RTL4: variants seen among roughly 807,000 people sequenced by gnomAD.
The protein encoded by RTL4 is retrotransposon Gag like 4.
A neutral mutation model predicts 5.3 loss-of-function variants in RTL4; 4 were observed. The observed-to-expected ratio is 0.75, with a 90% CI of 0.37 to 1.72. RTL4 has a LOEUF of 1.72. Among genes scored for constraint, RTL4 ranks in the 40% most tolerant of loss-of-function variants. The pLI, the probability that RTL4 is intolerant of heterozygous loss-of-function variation, is 0.04. For missense variants in RTL4, 260 were observed against 227.1 expected, an observed-to-expected ratio of 1.14 and a Z score of -0.93; for synonymous variants, 98 against 87.3, an observed-to-expected ratio of 1.12 and a Z score of -0.68.
upstream of RTL4, among the ~76,000 whole-genome samples, chrX:112,449,537 C>T (rs1248584327): frequency 8.9e-6 from 1 of 111,896 alleles, no homozygotes; most frequent in Non-Finnish European, 1.9e-5. Context: ...GCATCATCTG[C>T]AGAGATTGAT....
At chrX:112,322,558 G>A in the RTL4 span, among the ~76,000 whole-genome samples, 3 of 110,967 alleles carry the variant, frequency 2.7e-5, no homozygotes, top group Admixed American at 9.7e-5. Context: ...GTCATGTGTA[G>A]AGATATATAT....
chrX:112,248,141 T>A, the RTL4 span, among the ~76,000 whole-genome samples: 2 of 112,578 alleles, frequency 1.8e-5, no homozygotes, highest in Non-Finnish European at 3.7e-5. Flanking sequence ...AGACATTGCT[T>A]GTTTACTACA....
At chrX:112,236,869 A>T in the RTL4 span, among the ~76,000 whole-genome samples, 1 of 111,483 alleles carries the variant, frequency 9.0e-6, no homozygotes, top group Non-Finnish European at 1.9e-5. Flanking sequence ...AGATGAGGAC[A>T]TTATCCTGGA....
upstream of RTL4, among the ~76,000 whole-genome samples, chrX:112,451,432 G>A (rs1448523046): frequency 1.8e-5 from 2 of 111,144 alleles, no homozygotes; most frequent in African/African-American, 3.3e-5. Flanking sequence ...CTGAAAGATC[G>A]AGGCTGCAAT....
At chrX:112,321,768 C>T in the RTL4 span, among the ~76,000 whole-genome samples, 5 of 111,077 alleles carry the variant, frequency 4.5e-5, no homozygotes, top group East Asian at 5.7e-4. Flanking sequence ...CAAACAACTA[C>T]GTAATAGTAG....
the RTL4 span, among the ~76,000 whole-genome samples, chrX:112,359,735 C>T: frequency 5.7e-4 from 63 of 110,892 alleles, no homozygotes; most frequent in Non-Finnish European, 1.0e-3. Flanking sequence ...TCTGGCTGCC[C>T]GTTGTGACAG....
the RTL4 span, among the ~76,000 whole-genome samples, chrX:112,324,233 C>A: frequency 8.9e-6 from 1 of 112,602 alleles, no homozygotes; most frequent in Non-Finnish European, 1.9e-5. Context: ...TTTCAAGGTC[C>A]ATCCATGTTG....
chrX:112,276,039 T>C, the RTL4 span, among the ~76,000 whole-genome samples: 1 of 112,125 alleles, frequency 8.9e-6, no homozygotes, highest in African/African-American at 3.2e-5. Context: ...ATTCTTTTTT[T>C]CTTCCTGTCA....
the RTL4 span, among the ~76,000 whole-genome samples, chrX:112,094,680 A>G: frequency 3.6e-5 from 4 of 111,858 alleles, no homozygotes; most frequent in Non-Finnish European, 7.5e-5. Flanking sequence ...GAGAAAACTC[A>G]GAATAGTTTG....
the RTL4 span, among the ~76,000 whole-genome samples, chrX:112,326,088 C>T: frequency 1.8e-5 from 2 of 111,999 alleles, no homozygotes; most frequent in Non-Finnish European, 3.8e-5. Context: ...AAATCAAAAC[C>T]ACAATGAGAT....
chrX:112,390,733 C>T, the RTL4 span, among the ~76,000 whole-genome samples: 2 of 111,103 alleles, frequency 1.8e-5, no homozygotes, highest in Non-Finnish European at 3.8e-5. Flanking sequence ...TCCTTTCTCT[C>T]TGGCTGCCTT....
At chrX:112,426,752 A>G in the RTL4 span, among the ~76,000 whole-genome samples, 1 of 111,077 alleles carries the variant, frequency 9.0e-6, no homozygotes, top group Non-Finnish European at 1.9e-5. Flanking sequence ...AAGAAGTTTT[A>G]TTTTTTATTC....
chrX:112,353,577 G>A, the RTL4 span, among the ~76,000 whole-genome samples: 8 of 110,283 alleles, frequency 7.3e-5, no homozygotes, highest in African/African-American at 1.7e-4. Flanking sequence ...GCAAACTATC[G>A]CAAGGACAAA....
chrX:112,115,885 G>C, the RTL4 span, among the ~76,000 whole-genome samples: 1 of 112,566 alleles, frequency 8.9e-6, no homozygotes, highest in African/African-American at 3.2e-5. Flanking sequence ...AGGTAGGATA[G>C]ATGGGCGAGT....
chrX:112,311,464 A>G, the RTL4 span, among the ~76,000 whole-genome samples: 1 of 110,603 alleles, frequency 9.0e-6, no homozygotes, highest in Non-Finnish European at 1.9e-5. Context: ...AGAGCACTGG[A>G]CAAGAATTCT....
the RTL4 span, among the ~76,000 whole-genome samples, chrX:112,154,921 C>A: frequency 1.8e-5 from 2 of 110,931 alleles, no homozygotes; most frequent in Non-Finnish European, 3.8e-5. Flanking sequence ...AGATGTGGGT[C>A]CATCATTAGT....
At chrX:112,232,295 G>C in the RTL4 span, among the ~76,000 whole-genome samples, 1 of 111,858 alleles carries the variant, frequency 8.9e-6, no homozygotes, top group Non-Finnish European at 1.9e-5. Context: ...TCTCCTCTTT[G>C]AGCCTCCATA....
the RTL4 span, among the ~76,000 whole-genome samples, chrX:112,125,833 C>T: frequency 1.1e-4 from 12 of 111,869 alleles, no homozygotes; most frequent in Middle Eastern, 9.2e-3. Context: ...GATATCAATA[C>T]TCTACAAGGC....
chrX:112,329,206 T>A, the RTL4 span, among the ~76,000 whole-genome samples: 1 of 110,756 alleles, frequency 9.0e-6, no homozygotes, highest in South Asian at 3.8e-4. Context: ...TTCAAAAAAC[T>A]AATGAATCCA....
Sources: allele counts gnomAD v4.1 joint callset (sites outside exome capture counted in the v4.1 genomes callset), GRCh38; gene constraint gnomAD v4.1.1; transcripts MANE v1.5; gene names NCBI Gene and HGNC (gene_info 2026-07-23, HGNC 2026-07-21).